Variants in ZSCAN25 observed in about 807,000 individuals in gnomAD.
The protein encoded by ZSCAN25 is zinc finger and SCAN domain containing 25.
Under a neutral mutation model 38.7 loss-of-function variants are expected in ZSCAN25, and 27 were observed. The observed-to-expected ratio is 0.70, with a 90% CI of 0.51 to 0.96. The LOEUF (loss-of-function observed/expected upper bound fraction) is 0.96. ZSCAN25 is among the 40% of genes least tolerant of loss of function. ZSCAN25 has a pLI of 0.00. For synonymous variants in ZSCAN25, 273 were observed against 277.7 expected (o/e 0.98, Z 0.17); for missense variants, 637 against 705.9 (o/e 0.90, Z 1.11).
chr7:99,649,457 TAA>T, the ZSCAN25 span, among the ~76,000 whole-genome samples: 1 of 152,208 alleles, frequency 6.6e-6, no homozygotes, highest in African/African-American at 2.4e-5. Context: ...ACCTGGAACA[TAA>T]GGTCAAGGAG....
At chr7:99,638,810 C>T in the ZSCAN25 span, 2 of 781,154 alleles carry the variant, frequency 2.6e-6, no homozygotes, top group Non-Finnish European at 2.2e-6. Flanking sequence ...TGTCCTGGGT[C>T]CCCTCAGCCA....
chr7:99,621,783 G>T, intron 5 of ZSCAN25: 1 of 400,272 alleles, frequency 2.5e-6, no homozygotes, highest in Non-Finnish European at 4.4e-6. Flanking sequence ...GGATATCTGG[G>T]ATCATGCTTT....
At chr7:99,664,294 A>T in the ZSCAN25 span, among the ~76,000 whole-genome samples, 16 of 152,344 alleles carry the variant, frequency 1.1e-4, no homozygotes, top group South Asian at 1.9e-3. Flanking sequence ...ACACCACTAC[A>T]GCAGTGAGAT....
At chr7:99,656,414 C>T in the ZSCAN25 span, among the ~76,000 whole-genome samples, 1 of 152,190 alleles carries the variant, frequency 6.6e-6, no homozygotes, top group Non-Finnish European at 1.5e-5. Context: ...ACCAGCCTTG[C>T]ATCCCAGGGA....
the ZSCAN25 span, among the ~76,000 whole-genome samples, chr7:99,724,237 A>G: frequency 6.6e-6 from 1 of 152,222 alleles, no homozygotes; most frequent in African/African-American, 2.4e-5. Flanking sequence ...CACCTGACCT[A>G]AAACCTAAAT....
At chr7:99,685,313 A>C in the ZSCAN25 span, 2 of 1,563,112 alleles carry the variant, frequency 1.3e-6, no homozygotes, top group Non-Finnish European at 1.8e-6. Flanking sequence ...GTAAACAAAA[A>C]ATGTATTGCT....
At chr7:99,622,220 C>A in intron 5 of ZSCAN25, 1 of 314,486 alleles carries the variant, frequency 3.2e-6, no homozygotes, top group South Asian at 3.1e-5. Flanking sequence ...CCACCGCGCC[C>A]AGCCCACGTA....
the ZSCAN25 span, among the ~76,000 whole-genome samples, chr7:99,729,378 A>C: frequency 6.6e-6 from 1 of 152,284 alleles, no homozygotes; most frequent in South Asian, 2.1e-4. Flanking sequence ...CACATGGCCC[A>C]TAATCCCGCT....
chr7:99,728,875 A>G, the ZSCAN25 span, among the ~76,000 whole-genome samples: 12,263 of 152,238 alleles, frequency 0.081, 605 homozygotes, highest in African/African-American at 0.13. Context: ...TTACAGATAC[A>G]TCACAAACTT....
the ZSCAN25 span, among the ~76,000 whole-genome samples, chr7:99,726,735 C>T: frequency 6.6e-6 from 1 of 152,230 alleles, no homozygotes; most frequent in Non-Finnish European, 1.5e-5. Context: ...TGATGACCTT[C>T]TACTCTGTAG....
At chr7:99,625,160 C>CA (rs1251097533) in intron 7 of ZSCAN25, among the ~76,000 whole-genome samples, 1 of 152,156 alleles carries the variant, frequency 6.6e-6, no homozygotes, top group Non-Finnish European at 1.5e-5. Context: ...TTCCAGGTCT[C>CA]AGTTTCCTCT....
chr7:99,645,933 T>A, the ZSCAN25 span, among the ~76,000 whole-genome samples: 1 of 152,168 alleles, frequency 6.6e-6, no homozygotes, highest in Admixed American at 6.5e-5. Context: ...GATGTGTAGA[T>A]TTGTTACTGG....
At chr7:99,660,421 T>C in the ZSCAN25 span, 4 of 1,497,636 alleles carry the variant, frequency 2.7e-6, no homozygotes, top group Non-Finnish European at 2.7e-6. Context: ...TTTATAAAAA[T>C]TCTCCTGGGG....
chr7:99,638,904 C>T, the ZSCAN25 span: 2 of 544,294 alleles, frequency 3.7e-6, no homozygotes, highest in South Asian at 4.4e-5. Flanking sequence ...AGGGCAGAGG[C>T]CCAGGCCTGT....
chr7:99,683,569 C>T, the ZSCAN25 span, among the ~76,000 whole-genome samples: 2 of 152,146 alleles, frequency 1.3e-5, no homozygotes, highest in African/African-American at 2.4e-5. Flanking sequence ...ACTTTATTTA[C>T]TTATTTCATC....
chr7:99,674,643 T>G, the ZSCAN25 span: 8 of 1,461,738 alleles, frequency 5.5e-6, no homozygotes, highest in East Asian at 1.9e-4. Flanking sequence ...AAACCCTACC[T>G]CTAATTGGGG....
the ZSCAN25 span, among the ~76,000 whole-genome samples, chr7:99,711,880 G>A: frequency 6.6e-6 from 1 of 152,184 alleles, no homozygotes; most frequent in Non-Finnish European, 1.5e-5. Context: ...GGTAATTTGT[G>A]TGCATAGCCC....
In ZSCAN25 at chr7:99,630,375, G is replaced by A. The variant is rs1438655092; in HGVS notation, c.*355G>A. On this transcript the variant is annotated 3_prime_UTR_variant, in exon 8 of 8. Transcript: ENST00000394152. ...TTGGTAGCTGGGACCTCATCTTCCTGAGGGCTCTGTCTTGCCTGCAGGGTC... is the reference window on the plus strand; with the variant it reads ...TTGGTAGCTGGGACCTCATCTTCCTAAGGGCTCTGTCTTGCCTGCAGGGTC... The A allele has an allele frequency of 1.9e-6, 2 of 1,065,154 alleles. No homozygotes were observed. The highest frequency in any genetic ancestry group is 1.7e-5 in the African/African-American group (1 of 59,842). 66.0% of individuals were successfully genotyped at this position (1,065,154 alleles called of 1,614,324 possible). A position where few individuals can be genotyped will look rare whatever the true frequency, so the allele number is the denominator to read the frequency against.
At chr7:99,721,977 A>G in the ZSCAN25 span, among the ~76,000 whole-genome samples, 1 of 152,186 alleles carries the variant, frequency 6.6e-6, no homozygotes, top group Admixed American at 6.5e-5. Context: ...TTGGTGTGGC[A>G]TCACCCTTGT....
Sources: gnomAD v4.1 joint callset for allele counts (sites outside exome capture counted in the v4.1 genomes callset) on GRCh38, gnomAD v4.1.1 for gene constraint, MANE v1.5 for transcripts, NCBI Gene and HGNC (gene_info 2026-07-23, HGNC 2026-07-21) for gene names.